TXNRD1: variants seen among roughly 807,000 people sequenced by gnomAD.
TXNRD1 encodes the protein thioredoxin reductase 1, also known as thioredoxin reductase 1, cytoplasmic.
Under a neutral mutation model 80.3 loss-of-function variants are expected in TXNRD1, and 57 were observed. The ratio of observed to expected loss-of-function variants is 0.71; its 90% confidence interval spans 0.57 to 0.89. The LOEUF (loss-of-function observed/expected upper bound fraction) is 0.89. Among genes scored for constraint, TXNRD1 ranks in the 40% least tolerant of loss-of-function variants. The pLI is 0.00. For synonymous variants in TXNRD1, 291 were observed against 285.2 expected (o/e 1.02, Z -0.20); for missense variants, 730 against 803.0 (o/e 0.91, Z 1.10).
At chr12:104,279,985 C>T (rs940766256) in intron 3 of TXNRD1, among the ~76,000 whole-genome samples, 2 of 147,460 alleles carry the variant, frequency 1.4e-5, no homozygotes, top group Non-Finnish European at 3.0e-5. Context: ...ATTGCTTGAA[C>T]CCAGGAGGCA....
intron 3 of TXNRD1, among the ~76,000 whole-genome samples, chr12:104,283,467 G>T (rs2033918769): frequency 1.3e-5 from 2 of 151,890 alleles, no homozygotes; most frequent in Admixed American, 1.3e-4. Flanking sequence ...GGCCAGGCTG[G>T]CCTCGCACTC....
At chr12:104,312,998 G>A (rs1411438300) in intron 5 of TXNRD1, among the ~76,000 whole-genome samples, 1 of 152,100 alleles carries the variant, frequency 6.6e-6, no homozygotes, top group Non-Finnish European at 1.5e-5. Flanking sequence ...AAGGTTTCCA[G>A]CTGATTCTAA....
intron 6 of TXNRD1, among the ~76,000 whole-genome samples, 180 bp downstream of exon 6, chr12:104,313,497 A>G (rs2035213066): frequency 6.6e-6 from 1 of 152,216 alleles, no homozygotes; most frequent in African/African-American, 2.4e-5. Flanking sequence ...AAATGCTAAA[A>G]ATTTAGGTTC....
chr12:104,271,606 G>T (rs2033654096), intron 3 of TXNRD1, among the ~76,000 whole-genome samples: 1 of 152,164 alleles, frequency 6.6e-6, no homozygotes, highest in African/African-American at 2.4e-5. Flanking sequence ...CTTCTTAAGG[G>T]TCAGGGAGAT....
intron 3 of TXNRD1, among the ~76,000 whole-genome samples, chr12:104,259,262 T>C (rs967213760): frequency 1.3e-5 from 2 of 151,792 alleles, no homozygotes; most frequent in Admixed American, 1.3e-4. Flanking sequence ...GCACCTGTAG[T>C]CCCAGCTACC....
intron 6 of TXNRD1, among the ~76,000 whole-genome samples, chr12:104,315,238 A>G (rs1283564106): frequency 6.6e-6 from 1 of 152,188 alleles, no homozygotes; most frequent in East Asian, 1.9e-4. Flanking sequence ...TAATACACCT[A>G]ACCTCCCGAA....
intron 13 of TXNRD1, 94 bp from the exon 14 acceptor site, chr12:104,331,440 C>G: frequency 1.4e-6 from 1 of 717,850 alleles, no homozygotes; most frequent in South Asian, 1.9e-5. Context: ...ATTTATTACT[C>G]TTATATCCTT....
At chr12:104,330,595 C>CT (rs907495005) in intron 13 of TXNRD1, among the ~76,000 whole-genome samples, 21 of 150,680 alleles carry the variant, frequency 1.4e-4, no homozygotes, top group Admixed American at 1.3e-3. Flanking sequence ...TTTTTTTTTA[C>CT]TTTTTTTTGA....
chr12:104,276,583 C>T (rs546675043), intron 3 of TXNRD1: 1 of 152,364 alleles, frequency 6.6e-6, no homozygotes, highest in Admixed American at 6.5e-5. Context: ...TCCCTTTCTT[C>T]TCTTTTCCAC....
At chr12:104,263,687 C>A (rs1487100595) in intron 3 of TXNRD1, among the ~76,000 whole-genome samples, 2 of 152,156 alleles carry the variant, frequency 1.3e-5, no homozygotes, top group African/African-American at 2.4e-5. Context: ...ATGTGGAAAA[C>A]AGACATAAGA....
intron 14 of TXNRD1, among the ~76,000 whole-genome samples, chr12:104,333,082 G>A (rs1452557996): frequency 1.3e-5 from 2 of 151,766 alleles, no homozygotes; most frequent in Non-Finnish European, 2.9e-5. Flanking sequence ...TAAAAAAAAT[G>A]TGTAATTCTT....
chr12:104,256,180 G>C (rs2033244003), intron 2 of TXNRD1, among the ~76,000 whole-genome samples: 1 of 152,140 alleles, frequency 6.6e-6, no homozygotes, highest in Non-Finnish European at 1.5e-5. Context: ...TTTTATATTT[G>C]TACTTGGTCT....
chr12:104,324,123 A>G (rs2035667514), intron 10 of TXNRD1, among the ~76,000 whole-genome samples: 1 of 152,164 alleles, frequency 6.6e-6, no homozygotes, highest in African/African-American at 2.4e-5. Flanking sequence ...ATAAGGGTGG[A>G]GGTGGGATGA....
intron 2 of TXNRD1, among the ~76,000 whole-genome samples, chr12:104,254,263 A>G (rs1406120269): frequency 7.9e-5 from 12 of 152,196 alleles, no homozygotes; most frequent in Non-Finnish European, 1.3e-4. Context: ...TAAACACTAT[A>G]TCAGTGTTTG....
At chr12:104,295,293 C>A (rs755892101) in intron 4 of TXNRD1, among the ~76,000 whole-genome samples, 4 of 152,192 alleles carry the variant, frequency 2.6e-5, no homozygotes, top group Non-Finnish European at 5.9e-5. Context: ...GGTCACTTCT[C>A]CTGTTTACTC....
chr12:104,284,752 A>C (rs1039931731), intron 3 of TXNRD1, among the ~76,000 whole-genome samples: 3 of 152,206 alleles, frequency 2.0e-5, no homozygotes, highest in Non-Finnish European at 4.4e-5. Flanking sequence ...ATCCAGGAAG[A>C]CTCCCAGAGG....
chr12:104,230,024 A>T (rs564428593), intron 1 of TXNRD1, among the ~76,000 whole-genome samples: 2 of 152,148 alleles, frequency 1.3e-5, no homozygotes, highest in Non-Finnish European at 2.9e-5. Context: ...TTAGGCATAT[A>T]CTTTGAAATA....
Position 104,265,294 on chromosome 12 carries a change from C to A in TXNRD1, c.304+7215C>A, listed in dbSNP as rs141902128. 27 of 1,584,844 alleles carry A rather than the reference C, an allele frequency of 1.7e-5. No homozygotes were observed. The East Asian group carries it at 5.4e-4, about 32-fold the overall frequency. On this transcript the variant is annotated intron_variant, in intron 3 of 16. Transcript: ENST00000525566. ...ACTTCCTTTTGCGGGTGGCGGCGAA[C>A]GCGGAGAGCACGCCATGAAGGCCTC...
chr12:104,289,814 C>T (rs770382907), intron 4 of TXNRD1, among the ~76,000 whole-genome samples: 2 of 152,124 alleles, frequency 1.3e-5, no homozygotes, highest in Non-Finnish European at 2.9e-5. Flanking sequence ...ATCACTGCAA[C>T]CTCCACCTCC....
Sources: gnomAD v4.1 joint callset for allele counts (sites outside exome capture counted in the v4.1 genomes callset) on GRCh38, gnomAD v4.1.1 for gene constraint, MANE v1.5 for transcripts, NCBI Gene and HGNC (gene_info 2026-07-23, HGNC 2026-07-21) for gene names.